The following ABHD12 variants were observed in gnomAD, a reference collection of about 807,000 sequenced individuals.
ABHD12 encodes the protein lysophosphatidylserine lipase ABHD12.
Under a neutral mutation model 58.3 loss-of-function variants are expected in ABHD12, and 43 were observed. The ratio of observed to expected loss-of-function variants is 0.74; its 90% CI spans 0.58 to 0.95. ABHD12 has a LOEUF of 0.95. Ranked by LOEUF, ABHD12 falls within the 40% of genes least tolerant of loss-of-function variation. The probability of loss-of-function intolerance (pLI) is 0.00; values close to 1 mark genes in which losing one functional copy is unlikely to be tolerated. For missense variants in ABHD12, 539 were observed against 537.2 expected, an observed-to-expected ratio of 1.00 and a Z score of -0.03; for synonymous variants, 219 against 211.2, an observed-to-expected ratio of 1.04 and a Z score of -0.32.
chr20:25,370,785 C>T lies in ABHD12; in HGVS notation c.191+19728G>A, dbSNP rs538038662. ...CACACACGTAAAGCGCTTAAGGAAA[C>T]GGTATCTGGTACACAGTTCTCAATC... On this transcript the variant is annotated intron_variant, in intron 1 of 12. Coordinates refer to ENST00000339157, the MANE Select transcript of ABHD12 (RefSeq NM_001042472.3). Among the ~76,000 whole-genome samples, 9 of 152,026 alleles carry T rather than the reference C, an allele frequency of 5.9e-5. No homozygotes were observed. In the South Asian group the frequency reaches 1.2e-3, roughly 21 times the overall value.
intron 1 of ABHD12, among the ~76,000 whole-genome samples, chr20:25,354,366 G>A (rs1181842385): frequency 6.6e-6 from 1 of 152,188 alleles, no homozygotes; most frequent in Non-Finnish European, 1.5e-5. Flanking sequence ...AGAACTGGGG[G>A]GCAGGGAGGC....
rs1445657285 is a variant in ABHD12, at chr20:25,362,371, A to T, written c.192-23020T>A. ...ATAACGAGGTCAGGAGTTCAAAACC[A>T]GTCTGGCCAAGATGGTGAAACCCCG... On this transcript the variant is annotated intron_variant, in intron 1 of 12. Transcript: ENST00000339157. Among the ~76,000 whole-genome samples the T allele has an allele frequency of 2.6e-5, 4 of 151,752 alleles. No individual in the cohort carries two copies. The East Asian group carries it at 7.9e-4, about 30-fold the overall frequency.
chr20:25,316,189 T>G (rs1288817636), intron 5 of ABHD12, among the ~76,000 whole-genome samples: 6 of 152,250 alleles, frequency 3.9e-5, no homozygotes, highest in Admixed American at 3.9e-4. Flanking sequence ...AGACGGAGTC[T>G]TGCTCTGTTG....
exon 13 of ABHD12, chr20:25,294,912 T>A: frequency 6.5e-7 from 1 of 1,543,264 alleles, no homozygotes; most frequent in African/African-American, 1.5e-5. Context: ...TTCAGCTGCC[T>A]TTGGGTTAGT....
chr20:25,365,242 C>T (rs1476512804), intron 1 of ABHD12, among the ~76,000 whole-genome samples: 1 of 152,222 alleles, frequency 6.6e-6, no homozygotes, highest in Non-Finnish European at 1.5e-5. Flanking sequence ...ACCATGTATC[C>T]TGTCCCCATC....
chr20:25,336,110 T>C (rs1482806356), intron 2 of ABHD12, among the ~76,000 whole-genome samples: 1 of 152,184 alleles, frequency 6.6e-6, no homozygotes, highest in Non-Finnish European at 1.5e-5. Flanking sequence ...GAAGATATTC[T>C]AGGCTTCATA....
intron 1 of ABHD12, among the ~76,000 whole-genome samples, chr20:25,374,047 C>A (rs937916968): frequency 1.8e-4 from 28 of 152,232 alleles, no homozygotes; most frequent in African/African-American, 6.7e-4. Context: ...CCTTAGCCTC[C>A]CAATTAGTTG....
chr20:25,390,806 C>G lies in ABHD12; in HGVS notation c.-103G>C, dbSNP rs1333068408. On this transcript the variant is annotated 5_prime_UTR_variant, in exon 1 of 13. Transcript: ENST00000339157. ...CCAGAGCCCGGAGCCCGGAACCCGCCGCTCCTCACATCCCAGCCCAGGCCG... is the reference window on the plus strand; with the variant it reads ...CCAGAGCCCGGAGCCCGGAACCCGCGGCTCCTCACATCCCAGCCCAGGCCG... 4 of 762,146 alleles carry G rather than the reference C, an allele frequency of 5.2e-6. No individual in the cohort carries two copies. The African/African-American group carries it at 5.6e-5, about 11-fold the overall frequency. The allele number at this position is 762,146 out of a possible 1,614,324, so 47.2% of individuals were successfully genotyped here. A position where few individuals can be genotyped will look rare whatever the true frequency, so the allele number is the denominator to read the frequency against.
chr20:25,343,870 A>T (rs2146045559), intron 1 of ABHD12, among the ~76,000 whole-genome samples: 1 of 152,334 alleles, frequency 6.6e-6, no homozygotes, highest in South Asian at 2.1e-4. Flanking sequence ...AAAATCCTCT[A>T]AAAAATATTA....
chr20:25,390,587 G>A lies in ABHD12; in HGVS notation c.117C>T (p.Asn39=), dbSNP rs1415896569. The A allele has an allele frequency of 1.4e-6, 2 of 1,476,980 alleles. No individual in the cohort carries two copies. The highest frequency in any genetic ancestry group is 1.8e-6 in the Non-Finnish European group (2 of 1,120,750). 91.5% of individuals were successfully genotyped at this position (1,476,980 alleles called of 1,614,324 possible). The change falls in exon 1 of 13, where the codon AAC becomes AAT. Residue 39 remains asparagine (N), a synonymous_variant. Coordinates refer to ENST00000339157, the MANE Select transcript of ABHD12 (RefSeq NM_001042472.3). The part of the protein sequence containing the change: ...ALDADCRLKQ[N]LRLTGPAAAE... ...CCGCCGCCGGGCCCGTCAGGCGTAGGTTCTGCTTCAGGCGGCAGTCGGCGT... is the reference window on the plus strand; with the variant it reads ...CCGCCGCCGGGCCCGTCAGGCGTAGATTCTGCTTCAGGCGGCAGTCGGCGT...
Position 25,306,913 on chromosome 20 carries a change from T to A in ABHD12, c.870A>T (p.Ile290=), listed in dbSNP as rs978083069. ...AGTCAAACCCAGGGAAGTATCGATATATCTGGAGACAAGATGGAAACCATT... is the reference window on the plus strand; with the variant it reads ...AGTCAAACCCAGGGAAGTATCGATAAATCTGGAGACAAGATGGAAACCATT... ...EEAKSHPFSV[I]YRYFPGFDWF... Residue 290 remains isoleucine (I), a splice_region_variant and synonymous_variant, in exon 10 of 13, where the codon ATA becomes ATT. Coordinates refer to ENST00000339157, the MANE Select transcript of ABHD12 (RefSeq NM_001042472.3). 1.9e-6 allele frequency: 3 copies of A among 1,605,832 alleles called. No individual in the cohort carries two copies. The highest frequency in any genetic ancestry group is 2.6e-6 in the Non-Finnish European group (3 of 1,173,084).
At position 25,309,591 on chromosome 20, in the gene ABHD12, G is replaced by A. The variant is rs1205107503; in HGVS notation, c.620-16C>T. 1.4e-5 allele frequency: 23 copies of A among 1,613,698 alleles called. No homozygotes were observed. Among genetic ancestry groups the A allele is most frequent in the Non-Finnish European group, 1.4e-5 (17 of 1,179,858 alleles). ...TCACCCCAACCTGGGAGGGAGAAAC[G>A]GCAGGACGGGGAGGTCAAAGGCAGC... On this transcript the variant is annotated splice_polypyrimidine_tract_variant and intron_variant, in intron 6 of 12. Coordinates refer to ENST00000339157, the MANE Select transcript of ABHD12 (RefSeq NM_001042472.3).
At position 25,390,802 on chromosome 20, in the gene ABHD12, C is replaced by T. The variant is rs1003020539; in HGVS notation, c.-99G>A. 4 of 812,916 alleles carry T rather than the reference C, an allele frequency of 4.9e-6. No homozygotes were observed. The highest frequency in any genetic ancestry group is 1.8e-5 in the African/African-American group (1 of 54,212). The allele number at this position is 812,916 out of a possible 1,614,324, so 50.4% of individuals were successfully genotyped here. ...CCACCCAGAGCCCGGAGCCCGGAAC[C>T]CGCCGCTCCTCACATCCCAGCCCAG... On this transcript the variant is annotated 5_prime_UTR_variant, in exon 1 of 13. Coordinates refer to ENST00000339157, the MANE Select transcript of ABHD12 (RefSeq NM_001042472.3).
chr20:25,373,433 G>C (rs112757309), intron 1 of ABHD12, among the ~76,000 whole-genome samples: 2 of 151,958 alleles, frequency 1.3e-5, no homozygotes, highest in Non-Finnish European at 2.9e-5. Flanking sequence ...TGTAATCCTG[G>C]CTACTTGGGG....
At chr20:25,299,366 C>T (rs2145911533), downstream of ABHD12, among the ~76,000 whole-genome samples, 1 of 152,150 alleles carries the variant, frequency 6.6e-6, no homozygotes, top group East Asian at 1.9e-4. Context: ...TGCCACTGCA[C>T]TCCAGCCTGG....
At chr20:25,361,503 G>GT (rs1379139748) in intron 1 of ABHD12, among the ~76,000 whole-genome samples, 1 of 152,020 alleles carries the variant, frequency 6.6e-6, no homozygotes, top group East Asian at 1.9e-4. Flanking sequence ...CCTCGCCTAG[G>GT]TAACATTCTA....
chr20:25,362,943 G>A (rs2089772403), intron 1 of ABHD12, among the ~76,000 whole-genome samples: 1 of 151,978 alleles, frequency 6.6e-6, no homozygotes, highest in Non-Finnish European at 1.5e-5. Flanking sequence ...AAAGTGCTGG[G>A]ATTACAGGCG....
intron 2 of ABHD12, among the ~76,000 whole-genome samples, chr20:25,330,622 C>G (rs990617433): frequency 6.6e-6 from 1 of 152,220 alleles, no homozygotes; most frequent in Admixed American, 6.5e-5. Flanking sequence ...GATCTGAGAA[C>G]GGGCAGAATG....
At chr20:25,329,947 G>T (rs888747377) in intron 2 of ABHD12, among the ~76,000 whole-genome samples, 2 of 152,200 alleles carry the variant, frequency 1.3e-5, no homozygotes, top group Admixed American at 6.5e-5. Context: ...ATGGAATTGT[G>T]TTGAGGGAGG....
Sources: gnomAD v4.1 joint callset for allele counts (sites outside exome capture counted in the v4.1 genomes callset) on GRCh38, gnomAD v4.1.1 for gene constraint, MANE v1.5 for transcripts, NCBI Gene and HGNC (gene_info 2026-07-23, HGNC 2026-07-21) for gene names.